Variants in CENPV observed in about 807,000 individuals in gnomAD.
The protein encoded by CENPV is nuclear protein p30.
Under a neutral mutation model 26.4 loss-of-function variants are expected in CENPV, and 15 were observed. That is an observed-to-expected ratio of 0.57 (90% CI 0.38 to 0.88). The LOEUF is 0.88. Among genes scored for constraint, CENPV ranks in the 40% least tolerant of loss-of-function variants. The probability of loss-of-function intolerance (pLI) is 0.00; values close to 1 mark genes in which losing one functional copy is unlikely to be tolerated. For missense variants in CENPV, 336 were observed against 376.5 expected (o/e 0.89, Z 0.89); for synonymous variants, 172 against 165.5 (o/e 1.04, Z -0.30).
At position 16,342,848 on chromosome 17, in the gene CENPV, T is replaced by C; in HGVS notation, c.788A>G (p.His263Arg). The part of the protein sequence containing the change: ...GSDWEKAMKE[H>R]KTIKNMSKE ...TTTAGACATGTTCTTGATGGTCTTG[T>C]GCTCTTTCATGGCCTTCTCCCAATC... Residue 263 changes from histidine to arginine, a missense_variant, in exon 5 of 5, where the codon CAC becomes CGC. Transcript: ENST00000299736. 6.2e-7 allele frequency: 1 copy of C among 1,614,154 alleles called. No homozygotes were observed. The highest frequency in any genetic ancestry group is 8.5e-7 in the Non-Finnish European group (1 of 1,180,030).
intron 3 of CENPV, 158 bp downstream of exon 3, chr17:16,348,458 A>C: frequency 3.4e-6 from 5 of 1,471,998 alleles, no homozygotes; most frequent in Non-Finnish European, 3.6e-6. Flanking sequence ...TGCCGGGCCC[A>C]CCTTTTAAAT....
At chr17:16,346,916 C>T (rs969943883) in intron 3 of CENPV, among the ~76,000 whole-genome samples, 3 of 151,250 alleles carry the variant, frequency 2.0e-5, no homozygotes, top group Non-Finnish European at 4.4e-5. Context: ...AGTGGTATGA[C>T]GACAGCTTAC....
At chr17:16,345,281 A>C (rs962142140) in intron 3 of CENPV, among the ~76,000 whole-genome samples, 6 of 145,814 alleles carry the variant, frequency 4.1e-5, no homozygotes, top group Non-Finnish European at 7.5e-5. Flanking sequence ...AAAAAAAAAA[A>C]CACCTTTGGC....
intron 2 of CENPV, chr17:16,349,587 G>A (rs2093221172): frequency 1.7e-5 from 18 of 1,034,872 alleles, no homozygotes; most frequent in Middle Eastern, 4.7e-4. Context: ...CTTCTATGAA[G>A]ATTCTGCCCA....
At position 16,353,450 on chromosome 17, in the gene CENPV, T is replaced by A. The variant is rs1026482631; in HGVS notation, c.-14A>T. On this transcript the variant is annotated 5_prime_UTR_variant, in exon 1 of 5. Transcript: ENST00000299736. ...CGATCGCCGCATGGCTCCCGCAGCCTGGCGCGCAGGCCTCGCAGCGCGGCG... is the reference window on the plus strand; with the variant it reads ...CGATCGCCGCATGGCTCCCGCAGCCAGGCGCGCAGGCCTCGCAGCGCGGCG... 3.6e-6 allele frequency: 4 copies of A among 1,116,636 alleles called. No individual in the cohort carries two copies. In the African/African-American group the frequency reaches 6.7e-5, roughly 19 times the overall value. 69.2% of individuals were successfully genotyped at this position (1,116,636 alleles called of 1,614,324 possible).
intron 2 of CENPV, 112 bp downstream of exon 2, chr17:16,349,819 C>A (rs1398361860): frequency 1.3e-6 from 2 of 1,483,806 alleles, no homozygotes; most frequent in Admixed American, 5.0e-5. Flanking sequence ...TCAACAGTTA[C>A]CAGCCCAAGG....
At chr17:16,352,846 C>CG (rs1350731520) in intron 1 of CENPV, among the ~76,000 whole-genome samples, 181 bp downstream of exon 1, 1 of 152,138 alleles carries the variant, frequency 6.6e-6, no homozygotes, top group Non-Finnish European at 1.5e-5. Context: ...ACCGCCCCGC[C>CG]CCGCCGCCCT....
intron 1 of CENPV, chr17:16,350,916 T>C (rs145547987): frequency 5.9e-5 from 9 of 152,270 alleles, no homozygotes; most frequent in African/African-American, 1.7e-4. Flanking sequence ...TTTTACATAG[T>C]TGTAATACAC....
chr17:16,348,457 C>A (rs1337932778), intron 3 of CENPV, 159 bp downstream of exon 3: 10 of 1,470,304 alleles, frequency 6.8e-6, no homozygotes, highest in Non-Finnish European at 9.0e-6. Context: ...GTGCCGGGCC[C>A]ACCTTTTAAA....
At chr17:16,349,740 GCT>G (rs1022839233) in intron 2 of CENPV, 189 bp downstream of exon 2, 98 of 1,383,296 alleles carry the variant, frequency 7.1e-5, no homozygotes, top group Non-Finnish European at 8.1e-5. Flanking sequence ...TGCTGTTGAA[GCT>G]CTGTGATGAG....
chr17:16,352,437 C>T (rs2093232394), intron 1 of CENPV, among the ~76,000 whole-genome samples: 1 of 151,754 alleles, frequency 6.6e-6, no homozygotes, highest in Non-Finnish European at 1.5e-5. Context: ...CCGCGCGAGG[C>T]CGGAGCATCT....
rs1247465636 is a variant in CENPV, at chr17:16,342,854, T to G, written c.782A>C (p.Lys261Thr). The change falls in exon 5 of 5, where the codon AAA becomes ACA. Residue 261 changes from lysine (K) to threonine (T), a missense_variant. Lys to Thr is a moderately conservative substitution (Grantham distance 78). This residue lies in a region of CENPV where 155 missense variants were observed against 227.8 expected (regional missense o/e 0.68). Coordinates refer to ENST00000299736, the MANE Select transcript of CENPV (RefSeq NM_181716.3). ...FNGSDWEKAM[K>T]EHKTIKNMSK... Reference sequence around the variant, plus strand: ...CATGTTCTTGATGGTCTTGTGCTCTTTCATGGCCTTCTCCCAATCGCTGCC... The same window carrying G: ...CATGTTCTTGATGGTCTTGTGCTCTGTCATGGCCTTCTCCCAATCGCTGCC... 1.9e-6 allele frequency: 3 copies of G among 1,613,986 alleles called. No homozygotes were observed. Among genetic ancestry groups the G allele is most frequent in the African/African-American group, 2.7e-5 (2 of 74,888 alleles).
In CENPV at chr17:16,350,049, G is replaced by C. The variant is rs771530849; in HGVS notation, c.411-20C>G. On this transcript the variant is annotated intron_variant, in intron 1 of 4. Coordinates refer to ENST00000299736, the MANE Select transcript of CENPV (RefSeq NM_181716.3). ...TATTCACTAAATGAAACAAAAATCA[G>C]AAAGATAATAATTTCTGAATAGCTG... The C allele has an allele frequency of 6.2e-7, 1 of 1,606,816 alleles. No individual in the cohort carries two copies. Among genetic ancestry groups the C allele is most frequent in the South Asian group, 1.1e-5 (1 of 88,980 alleles).
At chr17:16,346,480 G>C (rs1356941374) in intron 3 of CENPV, among the ~76,000 whole-genome samples, 1 of 152,236 alleles carries the variant, frequency 6.6e-6, no homozygotes, top group African/African-American at 2.4e-5. Context: ...GCCAGGCGCA[G>C]TGGCTCACGC....
At chr17:16,351,119 A>G (rs1395206886) in intron 1 of CENPV, 1 of 151,920 alleles carries the variant, frequency 6.6e-6, no homozygotes, top group African/African-American at 2.4e-5. Flanking sequence ...TTTAGTAGAG[A>G]CGGGGTTTCT....
intron 4 of CENPV, among the ~76,000 whole-genome samples, chr17:16,344,039 G>A (rs1421100397): frequency 2.0e-5 from 3 of 152,078 alleles, no homozygotes; most frequent in Non-Finnish European, 2.9e-5. Context: ...ACAGAGATAC[G>A]GTTTTGCTAT....
At chr17:16,343,317 T>C (rs763736282) in intron 4 of CENPV, among the ~76,000 whole-genome samples, 37 of 152,314 alleles carry the variant, frequency 2.4e-4, no homozygotes, top group Non-Finnish European at 4.6e-4. Flanking sequence ...GCCTTTCCTG[T>C]GTTTAGATAG....
intron 2 of CENPV, 108 bp from the exon 3 acceptor site, chr17:16,348,793 C>T (rs529692068): frequency 7.2e-5 from 111 of 1,545,640 alleles, no homozygotes; most frequent in Admixed American, 1.7e-4. Flanking sequence ...ATGCCCCTTT[C>T]AGCACCATCC....
chr17:16,348,925 C>CA, intron 2 of CENPV: 1 of 1,309,850 alleles, frequency 7.6e-7, no homozygotes. Flanking sequence ...ACAGGACCAA[C>CA]AGACAGGTCT....
Sources: gnomAD v4.1 joint callset for allele counts (sites outside exome capture counted in the v4.1 genomes callset) on GRCh38, gnomAD v4.1.1 for gene constraint, gnomAD v4.1.1 regional missense constraint, MANE v1.5 for transcripts, NCBI Gene and HGNC (gene_info 2026-07-23, HGNC 2026-07-21) for gene names.